SLC68A1: variants seen among roughly 807,000 people sequenced by gnomAD.
The protein encoded by SLC68A1 is major facilitator superfamily domain containing 13A.
At chr10:102,474,170 TGCTTTCTTAG>T in the SLC68A1 span, among the ~76,000 whole-genome samples, 1 of 152,252 alleles carries the variant, frequency 6.6e-6, no homozygotes, top group Non-Finnish European at 1.5e-5. Context: ...GATTCCGCCA[TGCTTTCTTAG>T]TTCATTCATT....
chr10:102,470,993 G>A, the SLC68A1 span: 6 of 1,613,234 alleles, frequency 3.7e-6, no homozygotes, highest in Non-Finnish European at 5.1e-6. Flanking sequence ...CTCCTTCCGC[G>A]CTTTCTGCGT....
the SLC68A1 span, chr10:102,470,199 C>T: frequency 2.2e-6 from 2 of 900,220 alleles, no homozygotes; most frequent in Non-Finnish European, 3.4e-6. Flanking sequence ...TTGCCCATGG[C>T]TCTTCCCTTA....
At chr10:102,461,722 G>C in the SLC68A1 span, among the ~76,000 whole-genome samples, 1 of 152,190 alleles carries the variant, frequency 6.6e-6, no homozygotes, top group African/African-American at 2.4e-5. Context: ...GGGTCAAATA[G>C]CTCCCTGGTG....
the SLC68A1 span, among the ~76,000 whole-genome samples, chr10:102,463,010 A>G: frequency 6.6e-6 from 1 of 152,112 alleles, no homozygotes; most frequent in African/African-American, 2.4e-5. Context: ...TGAAGATGAC[A>G]GTTTTCCTAT....
At chr10:102,471,078 G>C in the SLC68A1 span, 2 of 1,613,934 alleles carry the variant, frequency 1.2e-6, no homozygotes, top group Non-Finnish European at 1.7e-6. Context: ...GAGGCGGCCC[G>C]AAAGGACCCA....
chr10:102,471,075 C>A, the SLC68A1 span: 6 of 1,613,826 alleles, frequency 3.7e-6, no homozygotes, highest in Non-Finnish European at 5.1e-6. Flanking sequence ...GTTGAGGCGG[C>A]CCGAAAGGAC....
the SLC68A1 span, chr10:102,461,832 T>A: frequency 2.0e-5 from 3 of 152,302 alleles, no homozygotes; most frequent in African/African-American, 7.2e-5. Context: ...AAAACACCGA[T>A]GCTGGGCCCG....
At chr10:102,470,922 G>T in the SLC68A1 span, 10 of 1,613,198 alleles carry the variant, frequency 6.2e-6, no homozygotes, top group East Asian at 2.2e-4. Flanking sequence ...TCCCTCTTCA[G>T]CGCGGCCGGC....
the SLC68A1 span, chr10:102,473,579 A>G: frequency 1.9e-6 from 3 of 1,607,688 alleles, no homozygotes; most frequent in South Asian, 1.1e-5. Flanking sequence ...GGCCTCTCCT[A>G]TGTCGCTCCC....
chr10:102,476,557 G>C, the SLC68A1 span: 164 of 985,932 alleles, frequency 1.7e-4, no homozygotes, highest in Non-Finnish European at 1.9e-4. Context: ...AGTGCAGCCT[G>C]GAAGACATGG....
chr10:102,469,571 A>C, the SLC68A1 span, among the ~76,000 whole-genome samples: 1 of 142,110 alleles, frequency 7.0e-6, no homozygotes, highest in Non-Finnish European at 1.5e-5. Context: ...TTTGAGATGG[A>C]GTTTCACTTT....
At chr10:102,472,919 T>C in the SLC68A1 span, 1 of 1,614,170 alleles carries the variant, frequency 6.2e-7, no homozygotes, top group South Asian at 1.1e-5. Flanking sequence ...TGTCCGACCA[T>C]ATCTCCCTTT....
the SLC68A1 span, chr10:102,476,051 G>A: frequency 1.6e-6 from 1 of 615,232 alleles, no homozygotes; most frequent in Non-Finnish European, 2.1e-6. Context: ...AGTTTTTTTT[G>A]GTTTTTTTTT....
the SLC68A1 span, among the ~76,000 whole-genome samples, chr10:102,467,751 G>GCC: frequency 2.0e-5 from 3 of 152,112 alleles, no homozygotes; most frequent in African/African-American, 7.2e-5. Flanking sequence ...CTGCCTCCCG[G>GCC]GTTCAAGCAA....
chr10:102,475,122 C>T, the SLC68A1 span, among the ~76,000 whole-genome samples: 1 of 151,968 alleles, frequency 6.6e-6, no homozygotes, highest in East Asian at 2.0e-4. Context: ...AGTGAAACCC[C>T]CGCCTCTACT....
chr10:102,472,722 A>G, the SLC68A1 span: 5 of 729,890 alleles, frequency 6.9e-6, no homozygotes, highest in Non-Finnish European at 1.2e-5. Flanking sequence ...GGACATGGGG[A>G]AAAAGGCCTG....
chr10:102,467,817 C>T, the SLC68A1 span, among the ~76,000 whole-genome samples: 4 of 152,102 alleles, frequency 2.6e-5, no homozygotes, highest in South Asian at 2.1e-4. Flanking sequence ...CCACCATGCC[C>T]GGCTAATTTT....
chr10:102,475,804 ACAGGCCCCGACGCTCCGC>A, the SLC68A1 span: 3 of 1,614,018 alleles, frequency 1.9e-6, no homozygotes, highest in East Asian at 6.7e-5. Context: ...CAGCCCCTGC[ACAGGCCCCGACGCTCCGC>A]CAGGGCTGCT....
chr10:102,475,539 G>C, the SLC68A1 span, among the ~76,000 whole-genome samples: 9 of 152,122 alleles, frequency 5.9e-5, no homozygotes, highest in Non-Finnish European at 1.0e-4. Context: ...TGAGTTATTG[G>C]GTGGATGGTG....
Sources: allele counts gnomAD v4.1 joint callset (sites outside exome capture counted in the v4.1 genomes callset), GRCh38; gene constraint gnomAD v4.1.1; transcripts MANE v1.5; gene names NCBI Gene and HGNC (gene_info 2026-07-23, HGNC 2026-07-21).